ANK3: variants seen among roughly 807,000 people sequenced by gnomAD.
The protein encoded by ANK3 is ankyrin-3.
Under a neutral mutation model 370.9 loss-of-function variants are expected in ANK3, and 57 were observed. That is an observed-to-expected ratio of 0.15 (90% CI 0.12 to 0.19). ANK3 has a LOEUF of 0.19. ANK3 is among the 10% of genes least tolerant of loss of function. The probability of loss-of-function intolerance (pLI) is 1.00; values close to 1 mark genes in which losing one functional copy is unlikely to be tolerated. For synonymous variants in ANK3, 1,929 were observed against 1,946.3 expected, an observed-to-expected ratio of 0.99 and a Z score of 0.23; for missense variants, 4,439 against 5,302.1, an observed-to-expected ratio of 0.84 and a Z score of 5.06.
At chr10:60,545,787 C>A (rs1237051638) in intron 2 of ANK3, among the ~76,000 whole-genome samples, 6 of 152,154 alleles carry the variant, frequency 3.9e-5, no homozygotes, top group Admixed American at 6.5e-5. Context: ...GGACATTGCA[C>A]AATGGCTGTA....
At chr10:60,649,544 A>G (rs991833001) in intron 1 of ANK3, among the ~76,000 whole-genome samples, 2 of 152,194 alleles carry the variant, frequency 1.3e-5, no homozygotes, top group Admixed American at 6.5e-5. Context: ...TGTGAAATCA[A>G]TTCAGCTCAA....
intron 2 of ANK3, among the ~76,000 whole-genome samples, chr10:60,479,823 C>A (rs1490056286): frequency 1.3e-5 from 2 of 152,140 alleles, no homozygotes; most frequent in Non-Finnish European, 2.9e-5. Context: ...AAATTAACCT[C>A]CAGAATTTCA....
At chr10:60,628,867 T>C (rs1281172484) in intron 1 of ANK3, among the ~76,000 whole-genome samples, 1 of 152,224 alleles carries the variant, frequency 6.6e-6, no homozygotes, top group Non-Finnish European at 1.5e-5. Flanking sequence ...TGACATGACA[T>C]GCCTAACATT....
At chr10:60,495,464 C>T (rs905928147) in intron 2 of ANK3, among the ~76,000 whole-genome samples, 3 of 152,112 alleles carry the variant, frequency 2.0e-5, no homozygotes, top group Non-Finnish European at 4.4e-5. Context: ...AGAGTATCCT[C>T]CATTTGACCT....
At chr10:60,649,175 G>T (rs1455031971) in intron 1 of ANK3, among the ~76,000 whole-genome samples, 1 of 151,936 alleles carries the variant, frequency 6.6e-6, no homozygotes, top group Non-Finnish European at 1.5e-5. Flanking sequence ...TTTGCTTCTT[G>T]GATTGCCAGT....
At chr10:60,590,657 T>G (rs1267326487) in intron 2 of ANK3, among the ~76,000 whole-genome samples, 2 of 152,242 alleles carry the variant, frequency 1.3e-5, no homozygotes, top group African/African-American at 2.4e-5. Context: ...AAAGTCTTTG[T>G]GGCCATTTAG....
At chr10:60,520,239 G>A (rs1056272516) in intron 2 of ANK3, among the ~76,000 whole-genome samples, 2 of 152,070 alleles carry the variant, frequency 1.3e-5, no homozygotes, top group African/African-American at 4.8e-5. Flanking sequence ...GGTATACATG[G>A]ACACAAAGAT....
At position 60,279,040 on chromosome 10, in the gene ANK3, T is replaced by C. The variant is rs202079424; in HGVS notation, c.315+10A>G. ...AGTGGTTCAAAAAGCATTAAATATG[T>C]GATACTGACCTTTGTAGCTGCATCC... is the stretch of plus-strand genomic sequence containing the variant. On this transcript the variant is annotated intron_variant, in intron 3 of 43. Transcript: ENST00000280772. The C allele has an allele frequency of 4.2e-4, 683 of 1,613,354 alleles. 1 individual carries two copies. Among genetic ancestry groups the C allele is most frequent in the Admixed American group, 1.1e-3 (66 of 59,988 alleles).
At chr10:60,683,773 A>G (rs1347838186) in intron 1 of ANK3, among the ~76,000 whole-genome samples, 1 of 152,224 alleles carries the variant, frequency 6.6e-6, no homozygotes, top group Non-Finnish European at 1.5e-5. Context: ...AGCCAGAACT[A>G]CACCCAGGTC....
chr10:60,034,895 C>T (rs570931843), intron 43 of ANK3, among the ~76,000 whole-genome samples: 2 of 152,294 alleles, frequency 1.3e-5, no homozygotes, highest in South Asian at 2.1e-4. Flanking sequence ...AAATACACTA[C>T]AGTGCAGTTT....
chr10:60,709,586 A>T (rs1307568023), intron 1 of ANK3, among the ~76,000 whole-genome samples: 2 of 152,164 alleles, frequency 1.3e-5, no homozygotes, highest in Non-Finnish European at 2.9e-5. Context: ...GACCAGGTGC[A>T]GTCTGAAGCA....
intron 1 of ANK3, among the ~76,000 whole-genome samples, chr10:60,660,971 C>T (rs1427442711): frequency 1.3e-5 from 2 of 151,592 alleles, no homozygotes; most frequent in Non-Finnish European, 2.9e-5. Context: ...AATGTACAAC[C>T]AATCAACTTG....
At chr10:60,263,109 T>C (rs919146927) in intron 6 of ANK3, among the ~76,000 whole-genome samples, 3 of 152,118 alleles carry the variant, frequency 2.0e-5, no homozygotes, top group Non-Finnish European at 4.4e-5. Flanking sequence ...TACACGTATA[T>C]GCATATATAT....
At chr10:60,304,296 A>G (rs1336248956) in intron 1 of ANK3, among the ~76,000 whole-genome samples, 2 of 152,116 alleles carry the variant, frequency 1.3e-5, no homozygotes, top group East Asian at 1.9e-4. Flanking sequence ...AATAACTATA[A>G]AAGGTGACAG....
chr10:60,053,378 A>G (rs1170300319), intron 42 of ANK3, among the ~76,000 whole-genome samples: 1 of 152,168 alleles, frequency 6.6e-6, no homozygotes, highest in East Asian at 1.9e-4. Context: ...TGTTAAAGCA[A>G]ACACAAACAA....
chr10:60,541,212 G>A, intron 2 of ANK3, among the ~76,000 whole-genome samples: 1 of 151,944 alleles, frequency 6.6e-6, no homozygotes, highest in East Asian at 1.9e-4. Context: ...AATATGCAGA[G>A]AAAAGTCTGT....
At chr10:60,642,702 A>G (rs977816854) in intron 1 of ANK3, among the ~76,000 whole-genome samples, 3 of 152,138 alleles carry the variant, frequency 2.0e-5, no homozygotes, top group Non-Finnish European at 4.4e-5. Context: ...TGGGTGCAGC[A>G]CACCAGCATG....
At chr10:60,121,256 A>C (rs185703086) in intron 25 of ANK3, among the ~76,000 whole-genome samples, 1 of 152,248 alleles carries the variant, frequency 6.6e-6, no homozygotes, top group Admixed American at 6.5e-5. Context: ...TGATTTGTGA[A>C]AGCTAAAAAT....
intron 23 of ANK3, among the ~76,000 whole-genome samples, chr10:60,147,275 G>A (rs914456813): frequency 1.3e-5 from 2 of 152,162 alleles, no homozygotes; most frequent in African/African-American, 4.8e-5. Context: ...CAGGACTGGA[G>A]CCTCAGAGAA....
Sources: allele counts gnomAD v4.1 joint callset (sites outside exome capture counted in the v4.1 genomes callset), GRCh38; gene constraint gnomAD v4.1.1; transcripts MANE v1.5; gene names NCBI Gene and HGNC (gene_info 2026-07-23, HGNC 2026-07-21).